Variants in GPATCH8 observed in about 807,000 individuals in gnomAD.
GPATCH8 encodes the protein G-patch domain containing 8.
A neutral mutation model predicts 118.3 loss-of-function variants in GPATCH8; 18 were observed. That is an observed-to-expected ratio of 0.15 (90% CI 0.11 to 0.23). GPATCH8 has a LOEUF of 0.23. Among genes scored for constraint, GPATCH8 ranks in the 10% least tolerant of loss-of-function variants. GPATCH8 has a pLI of 1.00. For missense variants in GPATCH8, 1,631 were observed against 1,873.8 expected (o/e 0.87, Z 2.39); for synonymous variants, 659 against 684.7 (o/e 0.96, Z 0.59).
chr17:44,464,790 T>A, intron 2 of GPATCH8: 1 of 484,114 alleles, frequency 2.1e-6, no homozygotes, highest in Non-Finnish European at 3.7e-6. Context: ...GGGCAACTTT[T>A]GTATATAACA....
chr17:44,472,672 T>G (rs1450380719), intron 2 of GPATCH8, among the ~76,000 whole-genome samples: 1 of 152,054 alleles, frequency 6.6e-6, no homozygotes. Flanking sequence ...ACTTAGACCC[T>G]CCTGGTTTTT....
In GPATCH8 at chr17:44,397,851, G is replaced by A; in HGVS notation, c.4226C>T (p.Pro1409Leu). ...PQPLAQVHHIPQPHLTPISLS... is the reference protein window; with the variant it reads ...PQPLAQVHHILQPHLTPISLS... ...AGAAATGGGGGTCAGATGGGGCTGGGGAATATGATGCACCTGGGCAAGTGG... is the reference window on the plus strand; with the variant it reads ...AGAAATGGGGGTCAGATGGGGCTGGAGAATATGATGCACCTGGGCAAGTGG... The change falls in exon 8 of 8, where the codon CCC becomes CTC. Residue 1409 changes from proline (P) to leucine (L), a missense_variant. Pro to Leu is a moderately conservative substitution (Grantham distance 98, BLOSUM62 -3). Around this residue, in one of 8 missense-constraint regions of GPATCH8, gnomAD observed 111 missense variants for 112.4 expected, o/e 0.99. Transcript: ENST00000591680. 6.2e-7 allele frequency: 1 copy of A among 1,605,082 alleles called. No homozygotes were observed. Among genetic ancestry groups the A allele is most frequent in the Non-Finnish European group, 8.5e-7 (1 of 1,173,528 alleles).
chr17:44,396,869 A>C lies in GPATCH8; in HGVS notation c.*699T>G. 2.2e-6 allele frequency: 1 copy of C among 454,404 alleles called. No individual in the cohort carries two copies. Among genetic ancestry groups the C allele is most frequent in the Non-Finnish European group, 4.4e-6 (1 of 226,798 alleles). 28.1% of individuals were successfully genotyped at this position (454,404 alleles called of 1,614,324 possible). A position where few individuals can be genotyped will look rare whatever the true frequency, so the allele number is the denominator to read the frequency against. On this transcript the variant is annotated 3_prime_UTR_variant, in exon 8 of 8. Transcript: ENST00000591680. Reference sequence around the variant, plus strand: ...ACACATGAGCTCCTCTCTGGGCCATACAGCTTTTATTCATGATAGGATCTT... The same window carrying C: ...ACACATGAGCTCCTCTCTGGGCCATCCAGCTTTTATTCATGATAGGATCTT...
In GPATCH8 at chr17:44,474,718, C is replaced by T. The variant is rs1408095154; in HGVS notation, c.120+111G>A. ...CTGTATGGCATGCAAGAAAACAACT[C>T]TAAACTGTACTATTGGTTATTAATA... On this transcript the variant is annotated intron_variant, in intron 2 of 7. Transcript: ENST00000591680. 3 of 718,078 alleles carry T rather than the reference C, an allele frequency of 4.2e-6. No individual in the cohort carries two copies. In the South Asian group the frequency reaches 4.4e-5, roughly 11 times the overall value. The allele number at this position is 718,078 out of a possible 1,614,324, so 44.5% of individuals were successfully genotyped here.
intron 3 of GPATCH8, among the ~76,000 whole-genome samples, chr17:44,459,072 T>C (rs1202789593): frequency 2.6e-5 from 4 of 152,180 alleles, no homozygotes; most frequent in African/African-American, 9.7e-5. Context: ...TGACTGATGC[T>C]CTTTCTAGAT....
rs900289576 is a variant in GPATCH8, at chr17:44,395,347, A to C, written c.*2221T>G. 2.3e-6 allele frequency: 1 copy of C among 441,266 alleles called. No individual in the cohort carries two copies. Among genetic ancestry groups the C allele is most frequent in the Non-Finnish European group, 4.5e-6 (1 of 222,184 alleles). 27.3% of individuals were successfully genotyped at this position (441,266 alleles called of 1,614,324 possible). A position where few individuals can be genotyped will look rare whatever the true frequency, so the allele number is the denominator to read the frequency against. ...ATTTTACAGCATATATATCTCTATC[A>C]TATGTGATAAAGTTAAATACAATCT... On this transcript the variant is annotated 3_prime_UTR_variant, in exon 8 of 8. Transcript: ENST00000591680.
Position 44,395,475 on chromosome 17 carries a change from T to C in GPATCH8, c.*2093A>G, listed in dbSNP as rs756816661. On this transcript the variant is annotated 3_prime_UTR_variant, in exon 8 of 8. Coordinates refer to ENST00000591680, the MANE Select transcript of GPATCH8 (RefSeq NM_001002909.4). ...GGAAGGCAAAGAGGCAGCCAGAGTA[T>C]GGCTCAATCTACAAGCTAATGGGAA... The C allele has an allele frequency of 8.8e-6, 4 of 454,556 alleles. No homozygotes were observed. The highest frequency in any genetic ancestry group is 6.2e-5 in the South Asian group (4 of 64,472). The allele number at this position is 454,556 out of a possible 1,614,324, so 28.2% of individuals were successfully genotyped here.
intron 1 of GPATCH8, chr17:44,486,911 G>A (rs1324850596): frequency 6.6e-6 from 1 of 151,948 alleles, no homozygotes; most frequent in East Asian, 1.9e-4. Context: ...AGCAGTTTTA[G>A]GTTTATCGCA....
chr17:44,447,451 C>G (rs1328805567), intron 3 of GPATCH8, among the ~76,000 whole-genome samples: 3 of 152,088 alleles, frequency 2.0e-5, no homozygotes, highest in Non-Finnish European at 2.9e-5. Context: ...GCCACCGCAC[C>G]CAGCCAATAA....
At chr17:44,499,672 C>G (rs1969917764) in intron 1 of GPATCH8, among the ~76,000 whole-genome samples, 1 of 151,970 alleles carries the variant, frequency 6.6e-6, no homozygotes, top group Non-Finnish European at 1.5e-5. Context: ...ACAAAACTTT[C>G]TTTAATGAAC....
intron 2 of GPATCH8, among the ~76,000 whole-genome samples, chr17:44,470,695 A>C (rs889513120): frequency 1.3e-4 from 20 of 151,930 alleles, no homozygotes; most frequent in African/African-American, 4.8e-4. Context: ...TTTTTAGTAG[A>C]GACAGGGTTT....
At position 44,401,118 on chromosome 17, in the gene GPATCH8, T is replaced by C. The variant is rs768400251; in HGVS notation, c.959A>G (p.Lys320Arg). The C allele has an allele frequency of 2.5e-6, 4 of 1,614,186 alleles. No individual in the cohort carries two copies. Among genetic ancestry groups the C allele is most frequent in the East Asian group, 2.2e-5 (1 of 44,890 alleles). The change falls in exon 8 of 8, where the codon AAG becomes AGG. Residue 320 changes from lysine to arginine, a missense_variant. Transcript: ENST00000591680. ...AGAGGTCCCTTCCTCCGCATGGTCC[T>C]TGAAAACTGATGCTATTGATTCGAG... ...VKLESIASVF[K>R]DHAEEGTSED...
rs1386195556 is a variant in GPATCH8, at chr17:44,470,539, C to A, written c.120+4290G>T. On this transcript the variant is annotated intron_variant, in intron 2 of 7. Transcript: ENST00000591680. ...TGAGACGGAGTCTCGCTCTGTCACC[C>A]AGGCTGGAGTACAGTGGCGTGATCT... 2.0e-5 allele frequency among the ~76,000 whole-genome samples: 3 copies of A among 149,924 alleles called. No homozygotes were observed. The South Asian group carries it at 6.4e-4, about 32-fold the overall frequency.
intron 2 of GPATCH8, among the ~76,000 whole-genome samples, chr17:44,467,602 TC>T (rs1966903373): frequency 6.6e-6 from 1 of 152,022 alleles, no homozygotes; most frequent in Non-Finnish European, 1.5e-5. Flanking sequence ...GAATCTCTCC[TC>T]CCCTCACCAA....
At chr17:44,402,237 T>A (rs2049052896) in intron 7 of GPATCH8, among the ~76,000 whole-genome samples, 1 of 146,350 alleles carries the variant, frequency 6.8e-6, no homozygotes, top group South Asian at 2.1e-4. Context: ...GAAGAATAAC[T>A]TGAACCTGGG....
intron 7 of GPATCH8, 40 bp downstream of exon 7, chr17:44,405,881 A>G (rs1315412166): frequency 5.1e-6 from 7 of 1,382,292 alleles, no homozygotes; most frequent in Middle Eastern, 1.8e-4. Context: ...TTTAAGGATT[A>G]TAATTATCTG....
intron 6 of GPATCH8, among the ~76,000 whole-genome samples, chr17:44,421,129 CTG>C (rs2049884975): frequency 6.6e-6 from 1 of 151,988 alleles, no homozygotes; most frequent in Non-Finnish European, 1.5e-5. Flanking sequence ...TGGGATTATA[CTG>C]TGTGAGCCAC....
chr17:44,455,236 T>G (rs1307643686), intron 3 of GPATCH8, among the ~76,000 whole-genome samples: 1 of 152,188 alleles, frequency 6.6e-6, no homozygotes, highest in African/African-American at 2.4e-5. Context: ...GCATGGTGGC[T>G]CACGCCTGTA....
At chr17:44,469,417 C>T (rs1299975258) in intron 2 of GPATCH8, among the ~76,000 whole-genome samples, 1 of 152,078 alleles carries the variant, frequency 6.6e-6, no homozygotes, top group East Asian at 1.9e-4. Flanking sequence ...GGGAGCCTGC[C>T]AAAACACAGG....
Sources: allele counts gnomAD v4.1 joint callset (sites outside exome capture counted in the v4.1 genomes callset), GRCh38; gene constraint gnomAD v4.1.1; regional missense constraint gnomAD v4.1.1; transcripts MANE v1.5; gene names NCBI Gene and HGNC (gene_info 2026-07-23, HGNC 2026-07-21).